Variants in PRELID2 observed in about 807,000 individuals in gnomAD.
PRELID2 encodes PRELI domain containing 2.
In PRELID2, 25 loss-of-function variants were observed where a neutral mutation model predicts 28.4. The observed-to-expected ratio is 0.88, with a 90% CI of 0.64 to 1.23. The LOEUF (loss-of-function observed/expected upper bound fraction) is 1.23. Among genes scored for constraint, PRELID2 ranks in the 50% most tolerant of loss-of-function variants. The pLI, the probability that PRELID2 is intolerant of heterozygous loss-of-function variation, is 0.00. For missense variants in PRELID2, 201 were observed against 214.4 expected, an observed-to-expected ratio of 0.94 and a Z score of 0.39; for synonymous variants, 76 against 71.6, an observed-to-expected ratio of 1.06 and a Z score of -0.31.
chr5:145,319,240 A>G, the PRELID2 span, among the ~76,000 whole-genome samples: 1 of 152,184 alleles, frequency 6.6e-6, no homozygotes, highest in African/African-American at 2.4e-5. Flanking sequence ...TTTCTACCCA[A>G]TATCTCCCTG....
At chr5:145,610,452 CA>C (rs757753169) in intron 1 of PRELID2, among the ~76,000 whole-genome samples, 3 of 145,560 alleles carry the variant, frequency 2.1e-5, no homozygotes, top group Non-Finnish European at 4.4e-5. Flanking sequence ...AAAAGATCAT[CA>C]TTCTCAATTT....
chr5:145,575,171 T>A (rs1191245888), intron 1 of PRELID2, among the ~76,000 whole-genome samples: 1 of 152,146 alleles, frequency 6.6e-6, no homozygotes, highest in Non-Finnish European at 1.5e-5. Flanking sequence ...CTTCTATAAT[T>A]CCAGAATCGG....
the PRELID2 span, among the ~76,000 whole-genome samples, chr5:145,368,326 G>A: frequency 2.0e-5 from 3 of 151,920 alleles, no homozygotes; most frequent in African/African-American, 4.8e-5. Flanking sequence ...AAAAGGGAGG[G>A]AGAATGGCAA....
the PRELID2 span, among the ~76,000 whole-genome samples, chr5:145,312,806 T>C: frequency 3.3e-5 from 5 of 152,208 alleles, no homozygotes; most frequent in East Asian, 9.6e-4. Context: ...TTATGAATAA[T>C]GCTGCAATAA....
intron 1 of PRELID2, among the ~76,000 whole-genome samples, chr5:145,539,824 C>T (rs911177976): frequency 1.3e-5 from 2 of 151,396 alleles, no homozygotes; most frequent in African/African-American, 4.8e-5. Flanking sequence ...TTGGGAGAAA[C>T]TATACTGTTA....
chr5:145,354,851 C>A, the PRELID2 span, among the ~76,000 whole-genome samples: 15 of 152,064 alleles, frequency 9.9e-5, no homozygotes, highest in African/African-American at 3.4e-4. Flanking sequence ...ATCAACTGGG[C>A]AAATTAAATT....
intron 1 of PRELID2, among the ~76,000 whole-genome samples, chr5:145,615,703 C>T (rs1342517012): frequency 1.3e-5 from 2 of 152,128 alleles, no homozygotes; most frequent in African/African-American, 4.8e-5. Context: ...TTAAGTGGAG[C>T]ATTTAGGCCA....
At chr5:145,594,519 A>C (rs1192109078) in intron 1 of PRELID2, among the ~76,000 whole-genome samples, 1 of 152,210 alleles carries the variant, frequency 6.6e-6, no homozygotes, top group Non-Finnish European at 1.5e-5. Context: ...TTAAAAGGAA[A>C]TATTCTGTGA....
the PRELID2 span, among the ~76,000 whole-genome samples, chr5:145,373,963 CATATA>C: frequency 1.4e-5 from 2 of 139,426 alleles, no homozygotes; most frequent in African/African-American, 2.7e-5. Flanking sequence ...TATGTTATAA[CATATA>C]ATATATATTA....
intron 1 of PRELID2, among the ~76,000 whole-genome samples, chr5:145,697,080 T>TATACAC (rs1554084239): frequency 1.0e-4 from 9 of 85,936 alleles, no homozygotes; most frequent in South Asian, 7.4e-4. Context: ...TATATATATA[T>TATACAC]ACACACACAC....
chr5:145,580,017 A>T (rs1561509848), intron 1 of PRELID2, among the ~76,000 whole-genome samples: 3 of 152,090 alleles, frequency 2.0e-5, no homozygotes, highest in Non-Finnish European at 4.4e-5. Flanking sequence ...TAACTTTCCA[A>T]ATAAGATTCT....
chr5:145,599,945 A>G (rs1753364853), intron 1 of PRELID2, among the ~76,000 whole-genome samples: 1 of 152,158 alleles, frequency 6.6e-6, no homozygotes. Context: ...ACATCTTCCA[A>G]GGTATTTCTA....
intron 1 of PRELID2, among the ~76,000 whole-genome samples, chr5:145,723,244 T>A (rs1756040819): frequency 6.6e-6 from 1 of 152,100 alleles, no homozygotes; most frequent in Non-Finnish European, 1.5e-5. Context: ...TATAAGAAAT[T>A]CATGAATATA....
At chr5:145,809,133 C>A (rs1235554007) in intron 4 of PRELID2, among the ~76,000 whole-genome samples, 1 of 150,308 alleles carries the variant, frequency 6.7e-6, no homozygotes, top group Non-Finnish European at 1.5e-5. Context: ...GCCTCCCAGG[C>A]TCAAGCAATT....
the PRELID2 span, among the ~76,000 whole-genome samples, chr5:145,323,440 C>A: frequency 6.6e-6 from 1 of 152,102 alleles, no homozygotes; most frequent in East Asian, 1.9e-4. Flanking sequence ...ACGTCTCTGG[C>A]CACTGTGTAG....
intron 5 of PRELID2, among the ~76,000 whole-genome samples, chr5:145,775,686 C>G (rs1344475335): frequency 1.2e-4 from 18 of 152,296 alleles, no homozygotes; most frequent in Non-Finnish European, 1.5e-5. Flanking sequence ...AAAAGCCTTT[C>G]AGTACTGAAC....
At chr5:145,694,293 T>G (rs1755210406) in intron 1 of PRELID2, among the ~76,000 whole-genome samples, 1 of 152,184 alleles carries the variant, frequency 6.6e-6, no homozygotes, top group Non-Finnish European at 1.5e-5. Flanking sequence ...CCTCAAAATA[T>G]TAGCCAAGAT....
At chr5:145,568,473 G>C (rs777424958) in intron 1 of PRELID2, among the ~76,000 whole-genome samples, 1 of 152,168 alleles carries the variant, frequency 6.6e-6, no homozygotes, top group Admixed American at 6.5e-5. Flanking sequence ...TTAGATCAGC[G>C]ATCATAATGG....
At chr5:145,788,053 T>C (rs779624151) in intron 5 of PRELID2, among the ~76,000 whole-genome samples, 43 of 152,276 alleles carry the variant, frequency 2.8e-4, no homozygotes, top group Admixed American at 3.9e-4. Context: ...GCATCAGTGA[T>C]GTCTCTGTTT....
Sources: allele counts gnomAD v4.1 joint callset (sites outside exome capture counted in the v4.1 genomes callset), GRCh38; gene constraint gnomAD v4.1.1; transcripts MANE v1.5; gene names NCBI Gene and HGNC (gene_info 2026-07-23, HGNC 2026-07-21).